Variants in GHR observed in about 807,000 individuals in gnomAD.
GHR encodes growth hormone receptor, also known as GH receptor.
In GHR, 35 loss-of-function variants were observed where a neutral mutation model predicts 67.1. The ratio of observed to expected loss-of-function variants is 0.52; its 90% confidence interval spans 0.40 to 0.69. GHR has a LOEUF of 0.69. Among genes scored for constraint, GHR ranks in the 30% least tolerant of loss-of-function variants. GHR has a pLI of 0.00. For missense variants in GHR, 792 were observed against 764.6 expected, an observed-to-expected ratio of 1.04 and a Z score of -0.42; for synonymous variants, 272 against 269.1, an observed-to-expected ratio of 1.01 and a Z score of -0.10.
At chr5:42,544,816 T>G (rs1229883366) in intron 1 of GHR, among the ~76,000 whole-genome samples, 1 of 152,142 alleles carries the variant, frequency 6.6e-6, no homozygotes, top group East Asian at 1.9e-4. Context: ...TCCTACAACC[T>G]AAGAGTAGGT....
At chr5:42,521,011 T>G (rs1013411376) in intron 1 of GHR, among the ~76,000 whole-genome samples, 1 of 152,178 alleles carries the variant, frequency 6.6e-6, no homozygotes, top group Non-Finnish European at 1.5e-5. Flanking sequence ...CTTTTTATTG[T>G]CAATTTTCTT....
intron 1 of GHR, among the ~76,000 whole-genome samples, chr5:42,472,108 G>A (rs1745035923): frequency 1.3e-5 from 2 of 152,182 alleles, no homozygotes; most frequent in African/African-American, 4.8e-5. Flanking sequence ...CTGATGATGA[G>A]CTTGTTGATG....
At chr5:42,507,367 T>A (rs1178735853) in intron 1 of GHR, among the ~76,000 whole-genome samples, 2 of 152,238 alleles carry the variant, frequency 1.3e-5, no homozygotes, top group Non-Finnish European at 2.9e-5. Context: ...AAATCCTATC[T>A]CTACTTTTAA....
intron 1 of GHR, among the ~76,000 whole-genome samples, chr5:42,519,980 C>T (rs546527539): frequency 1.9e-4 from 29 of 152,260 alleles, no homozygotes; most frequent in Admixed American, 7.2e-4. Flanking sequence ...TACTTTATGC[C>T]AGGTATTGGT....
intron 1 of GHR, among the ~76,000 whole-genome samples, chr5:42,540,805 C>A (rs1748475665): frequency 6.6e-6 from 1 of 152,096 alleles, no homozygotes; most frequent in Non-Finnish European, 1.5e-5. Context: ...TCCTTCTGCA[C>A]CCCCCAGTCA....
chr5:42,708,595 A>G (rs1758297163), intron 6 of GHR, among the ~76,000 whole-genome samples: 1 of 152,222 alleles, frequency 6.6e-6, no homozygotes, highest in Admixed American at 6.5e-5. Context: ...CAAATTTTTA[A>G]GAGTGTAAAG....
intron 3 of GHR, among the ~76,000 whole-genome samples, chr5:42,660,191 A>G (rs1441033164): frequency 6.6e-6 from 1 of 152,282 alleles, no homozygotes; most frequent in African/African-American, 2.4e-5. Flanking sequence ...GGTACAGACA[A>G]ACAAAAAGAC....
chr5:42,643,374 C>A (rs1172297954), intron 3 of GHR, among the ~76,000 whole-genome samples: 1 of 152,168 alleles, frequency 6.6e-6, no homozygotes, highest in African/African-American at 2.4e-5. Context: ...GACCAGGGAA[C>A]TTCTTTTCAA....
At chr5:42,587,531 C>A (rs114308958) in intron 2 of GHR, among the ~76,000 whole-genome samples, 156 of 152,298 alleles carry the variant, frequency 1.0e-3, no homozygotes, top group African/African-American at 3.7e-3. Flanking sequence ...GAACTTATCG[C>A]TAGTCTAAAC....
chr5:42,489,651 T>G (rs575696693), intron 1 of GHR, among the ~76,000 whole-genome samples: 1 of 152,316 alleles, frequency 6.6e-6, no homozygotes, highest in South Asian at 2.1e-4. Context: ...CTTCTTTCCT[T>G]GTTCTATCAT....
At chr5:42,609,184 GT>G (rs2112665913) in intron 2 of GHR, among the ~76,000 whole-genome samples, 1 of 152,282 alleles carries the variant, frequency 6.6e-6, no homozygotes, top group East Asian at 1.9e-4. Context: ...AGTGTTCTAG[GT>G]TCCAGAAGTG....
intron 1 of GHR, among the ~76,000 whole-genome samples, chr5:42,436,508 T>G (rs1743334291): frequency 6.6e-6 from 1 of 152,210 alleles, no homozygotes; most frequent in South Asian, 2.1e-4. Flanking sequence ...ACATGTTGTT[T>G]TTTTAATATG....
chr5:42,705,184 T>G (rs1758117310), intron 6 of GHR, among the ~76,000 whole-genome samples: 1 of 151,956 alleles, frequency 6.6e-6, no homozygotes. Context: ...GTTCTGATCT[T>G]TATTATTTCC....
intron 2 of GHR, among the ~76,000 whole-genome samples, chr5:42,596,157 AT>A (rs1752059837): frequency 6.6e-6 from 1 of 152,174 alleles, no homozygotes; most frequent in South Asian, 2.1e-4. Context: ...ATTAAAATTG[AT>A]TCTCTATAAT....
intron 1 of GHR, among the ~76,000 whole-genome samples, chr5:42,533,423 A>G (rs1236123132): frequency 6.6e-6 from 1 of 151,770 alleles, no homozygotes; most frequent in East Asian, 1.9e-4. Flanking sequence ...TTGCATTTTA[A>G]TTTTGTTCAT....
At chr5:42,576,143 T>C (rs559810104) in intron 2 of GHR, among the ~76,000 whole-genome samples, 4 of 83,514 alleles carry the variant, frequency 4.8e-5, no homozygotes, top group African/African-American at 2.0e-4. Context: ...TAAAATAAAA[T>C]AGTAAAGTAA....
chr5:42,652,851 C>T (rs1396558534), intron 3 of GHR, among the ~76,000 whole-genome samples: 2 of 152,054 alleles, frequency 1.3e-5, no homozygotes, highest in African/African-American at 4.8e-5. Context: ...TCCACACATC[C>T]TGACTCAAGC....
At chr5:42,603,834 T>G (rs150900905) in intron 2 of GHR, among the ~76,000 whole-genome samples, 2 of 152,290 alleles carry the variant, frequency 1.3e-5, no homozygotes, top group East Asian at 3.9e-4. Context: ...TACTGAGAGA[T>G]CCTACAGATT....
chr5:42,564,080 TATTTATTTGAAATCTCACAAAGTGTGAG>T (rs1409891024), intron 1 of GHR, among the ~76,000 whole-genome samples: 6 of 150,884 alleles, frequency 4.0e-5, no homozygotes, highest in South Asian at 4.2e-4. Context: ...CCACAACTCA[TATTTATTTGAAATCTCACAAAGTGTGAG>T]ATTTATTTGA....
Sources: gnomAD v4.1 joint callset for allele counts (sites outside exome capture counted in the v4.1 genomes callset) on GRCh38, gnomAD v4.1.1 for gene constraint, MANE v1.5 for transcripts, NCBI Gene and HGNC (gene_info 2026-07-23, HGNC 2026-07-21) for gene names.